KIF24: variants seen among roughly 807,000 people sequenced by gnomAD.
The protein encoded by KIF24 is kinesin family member 24.
A neutral mutation model predicts 118.9 loss-of-function variants in KIF24; 81 were observed. The observed-to-expected ratio is 0.68, with a 90% CI of 0.57 to 0.82. The LOEUF is 0.82. KIF24 is among the 40% of genes least tolerant of loss of function. The pLI is 0.00. For missense variants in KIF24, 1,560 were observed against 1,661.6 expected (o/e 0.94, Z 1.06); for synonymous variants, 599 against 610.0 (o/e 0.98, Z 0.27).
chr9:34,300,982 G>A (rs1470904539), intron 3 of KIF24, among the ~76,000 whole-genome samples: 1 of 151,872 alleles, frequency 6.6e-6, no homozygotes, highest in African/African-American at 2.4e-5. Flanking sequence ...GATAGCTTTA[G>A]CTTTTGAGTA....
chr9:34,304,836 G>T (rs1836852694), intron 3 of KIF24, among the ~76,000 whole-genome samples: 1 of 152,124 alleles, frequency 6.6e-6, no homozygotes. Flanking sequence ...CAGCATTAAA[G>T]GATTTATTCC....
chr9:34,256,607 T>C lies in KIF24; in HGVS notation c.3000A>G (p.Gln1000=), dbSNP rs1834856048. 2 of 1,613,818 alleles carry C rather than the reference T, an allele frequency of 1.2e-6. No individual in the cohort carries two copies. Among genetic ancestry groups the C allele is most frequent in the Admixed American group, 1.7e-5 (1 of 59,954 alleles). The change falls in exon 11 of 13, where the codon CAA becomes CAG. Residue 1000 remains glutamine (Q), a synonymous_variant. Transcript: ENST00000402558. ...TCAGAGGTGTGGTGACTGTGTCTCTTTGGTCTGGGGATCCAGGAACTGCAA... is the reference window on the plus strand; with the variant it reads ...TCAGAGGTGTGGTGACTGTGTCTCTCTGGTCTGGGGATCCAGGAACTGCAA... The part of the protein sequence containing the change: ...SHVAVPGSPD[Q]RDTVTTPLRE...
intron 6 of KIF24, among the ~76,000 whole-genome samples, chr9:34,276,899 A>G (rs1835678279): frequency 6.6e-6 from 1 of 152,236 alleles, no homozygotes; most frequent in East Asian, 1.9e-4. Context: ...AACTAAGCTC[A>G]GATGCTGGGT....
At chr9:34,296,936 G>T (rs979212867) in intron 4 of KIF24, 81 bp downstream of exon 4, 1 of 676,390 alleles carries the variant, frequency 1.5e-6, no homozygotes, top group Non-Finnish European at 2.5e-6. Flanking sequence ...GTACTGAAAA[G>T]CATGTGATAT....
chr9:34,329,929 T>A (rs988068577), upstream of KIF24, among the ~76,000 whole-genome samples: 3 of 152,204 alleles, frequency 2.0e-5, no homozygotes, highest in African/African-American at 7.2e-5. Context: ...AACCTTCCCC[T>A]CCCTGGGCCT....
chr9:34,290,098 T>C (rs1257623454), intron 5 of KIF24, 76 bp downstream of exon 5: 21 of 1,012,158 alleles, frequency 2.1e-5, no homozygotes, highest in Non-Finnish European at 3.0e-5. Context: ...TTAAAGCCTA[T>C]GATTCAGTGA....
chr9:34,315,704 T>C (rs953996665), intron 1 of KIF24, among the ~76,000 whole-genome samples: 1 of 152,232 alleles, frequency 6.6e-6, no homozygotes, highest in Non-Finnish European at 1.5e-5. Flanking sequence ...TTTAAGTGAA[T>C]AGTATCTGCT....
intron 3 of KIF24, among the ~76,000 whole-genome samples, chr9:34,299,054 A>G (rs1401671111): frequency 1.3e-5 from 2 of 152,120 alleles, no homozygotes; most frequent in Non-Finnish European, 2.9e-5. Flanking sequence ...GTATGAATAT[A>G]TATCATTCTT....
Position 34,256,192 on chromosome 9 carries a change from G to T in KIF24, c.3415C>A (p.Pro1139Thr). 1 of 1,602,190 alleles carries T rather than the reference G, an allele frequency of 6.2e-7. No homozygotes were observed. Among genetic ancestry groups the T allele is most frequent in the Non-Finnish European group, 8.5e-7 (1 of 1,172,604 alleles). The stretch of plus-strand genomic sequence containing the variant: ...TCCCTGCTGGGCAGCTTGTCAGCTG[G>T]GTGCTGACGGATGGGTGATGGGGAC... Reference protein sequence around the residue: ...ALSPSPIRQHPADKLPSREAD... With the variant: ...ALSPSPIRQHTADKLPSREAD... The change falls in exon 11 of 13, where the codon CCA becomes ACA. Residue 1139 changes from proline (P) to threonine (T), a missense_variant. By Grantham distance (38) the Pro-to-Thr change is conservative. Transcript: ENST00000402558.
At chr9:34,330,947 G>A (rs1490519965), upstream of KIF24, among the ~76,000 whole-genome samples, 1 of 151,588 alleles carries the variant, frequency 6.6e-6, no homozygotes, top group Non-Finnish European at 1.5e-5. Flanking sequence ...GGCGACAGAG[G>A]GAGACTCCGT....
intron 1 of KIF24, among the ~76,000 whole-genome samples, chr9:34,317,369 G>C (rs10758253): frequency 6.6e-6 from 1 of 150,922 alleles, no homozygotes; most frequent in African/African-American, 2.4e-5. Context: ...CAGCCTGGGC[G>C]ACAGAAGGAG....
chr9:34,296,612 A>C (rs1836491555), intron 4 of KIF24, among the ~76,000 whole-genome samples: 1 of 152,198 alleles, frequency 6.6e-6, no homozygotes. Flanking sequence ...AGAAAAAATT[A>C]ACTAAACTAT....
chr9:34,332,621 G>T (rs1563971878), upstream of KIF24, among the ~76,000 whole-genome samples: 1 of 152,140 alleles, frequency 6.6e-6, no homozygotes, highest in Non-Finnish European at 1.5e-5. Context: ...TCCCAACCTT[G>T]TCTGACTTTG....
rs1273354633 is a variant in KIF24 at position 34,257,740 on chromosome 9, C to T, written c.1867G>A (p.Ala623Thr). The change falls in exon 11 of 13, where the codon GCA becomes ACA. Residue 623 changes from alanine (A) to threonine (T), a missense_variant. Coordinates refer to ENST00000402558, the MANE Select transcript of KIF24 (RefSeq NM_194313.4). ...CCCCTTTTACCAGAGACCTTAGGTG[C>T]AGAAGTAAAAGGAATGTTGGGTGGG... The part of the protein sequence containing the change: ...SHPPNIPFTS[A>T]PKVSGKRGGS... The T allele has an allele frequency of 2.5e-6, 4 of 1,613,864 alleles. No homozygotes were observed. The highest frequency in any genetic ancestry group is 1.7e-5 in the Admixed American group (1 of 60,008).
intron 1 of KIF24, among the ~76,000 whole-genome samples, chr9:34,327,277 A>C (rs1837699402): frequency 6.6e-6 from 1 of 152,118 alleles, no homozygotes; most frequent in African/African-American, 2.4e-5. Flanking sequence ...AACTGGATTA[A>C]TATATCAGGC....
Position 34,256,839 on chromosome 9 carries a change from T to A in KIF24, c.2768A>T (p.Asn923Ile). 2.5e-6 allele frequency: 4 copies of A among 1,613,836 alleles called. No individual in the cohort carries two copies. The highest frequency in any genetic ancestry group is 3.4e-6 in the Non-Finnish European group (4 of 1,179,840). The change falls in exon 11 of 13, where the codon AAC becomes ATC. Residue 923 changes from asparagine to isoleucine, a missense_variant. Transcript: ENST00000402558. The part of the protein sequence containing the change: ...SKGPVDWSRE[N>I]STSSGPSPRD... ...GGGAGAAGGCCCTGAGGAAGTAGAGTTCTCTCTGCTCCAGTCCACGGGCCC... is the reference window on the plus strand; with the variant it reads ...GGGAGAAGGCCCTGAGGAAGTAGAGATCTCTCTGCTCCAGTCCACGGGCCC...
At chr9:34,319,624 C>G in intron 1 of KIF24, 1 of 889,410 alleles carries the variant, frequency 1.1e-6, no homozygotes, top group Non-Finnish European at 1.9e-6. Flanking sequence ...CTGGTCCGGC[C>G]TAAGGTTGAC....
At chr9:34,315,910 T>C (rs908071904) in intron 1 of KIF24, among the ~76,000 whole-genome samples, 12 of 152,092 alleles carry the variant, frequency 7.9e-5, no homozygotes, top group South Asian at 2.1e-4. Flanking sequence ...GCGCCTGTAA[T>C]CCCAGCTACT....
At chr9:34,328,232 C>T (rs188495390) in intron 1 of KIF24, among the ~76,000 whole-genome samples, 184 of 152,302 alleles carry the variant, frequency 1.2e-3, no homozygotes, top group East Asian at 4.6e-3. Context: ...TACAAAGCCT[C>T]TCTACTTGTA....
Sources: gnomAD v4.1 joint callset for allele counts (sites outside exome capture counted in the v4.1 genomes callset) on GRCh38, gnomAD v4.1.1 for gene constraint, MANE v1.5 for transcripts, NCBI Gene and HGNC (gene_info 2026-07-23, HGNC 2026-07-21) for gene names.